Variants in GALNT17 observed in about 807,000 individuals in gnomAD.
GALNT17 encodes UDP-GalNAc:polypeptide N-acetylgalactosaminyltransferase-like 3.
A neutral mutation model predicts 63.7 loss-of-function variants in GALNT17; 29 were observed. The observed-to-expected ratio is 0.46, with a 90% CI of 0.34 to 0.62. The LOEUF (loss-of-function observed/expected upper bound fraction) is 0.62, where lower values mean the gene tolerates loss of function less well. Ranked by LOEUF, GALNT17 falls within the 20% of genes least tolerant of loss-of-function variation. The pLI is 0.01. For missense variants in GALNT17, 603 were observed against 799.6 expected (o/e 0.75, Z 2.97); for synonymous variants, 305 against 318.3 (o/e 0.96, Z 0.45).
intron 5 of GALNT17, among the ~76,000 whole-genome samples, chr7:71,514,745 C>T (rs1374334038): frequency 6.6e-6 from 1 of 152,148 alleles, no homozygotes; most frequent in African/African-American, 2.4e-5. Context: ...TTTGCAGTTG[C>T]CAAAATTACT....
chr7:71,427,165 C>T (rs1366484392), intron 5 of GALNT17, among the ~76,000 whole-genome samples: 4 of 150,958 alleles, frequency 2.6e-5, no homozygotes, highest in African/African-American at 9.7e-5. Context: ...CTGCAACCTC[C>T]ACCTCCCAGG....
intron 3 of GALNT17, among the ~76,000 whole-genome samples, chr7:71,392,749 C>G (rs1237688228): frequency 6.6e-6 from 1 of 152,122 alleles, no homozygotes; most frequent in African/African-American, 2.4e-5. Flanking sequence ...TCCCAAATAC[C>G]CAGGGGACCG....
chr7:71,673,739 C>T (rs1791105650), intron 8 of GALNT17, among the ~76,000 whole-genome samples: 2 of 152,194 alleles, frequency 1.3e-5, no homozygotes, highest in African/African-American at 4.8e-5. Context: ...CTCAGCCTTC[C>T]AAGTAGCTGG....
At chr7:71,505,061 C>T (rs1306089427) in intron 5 of GALNT17, among the ~76,000 whole-genome samples, 1 of 152,152 alleles carries the variant, frequency 6.6e-6, no homozygotes, top group Non-Finnish European at 1.5e-5. Context: ...GTGGCCCCTC[C>T]TTGCTTTATA....
At chr7:71,272,352 T>C (rs1790609085) in intron 1 of GALNT17, among the ~76,000 whole-genome samples, 1 of 152,186 alleles carries the variant, frequency 6.6e-6, no homozygotes, top group Non-Finnish European at 1.5e-5. Flanking sequence ...GGAATGGGAT[T>C]CCCAGGTATC....
Position 71,132,776 on chromosome 7 carries a change from C to G in GALNT17, c.-27C>G, listed in dbSNP as rs767370895. On this transcript the variant is annotated 5_prime_UTR_variant, in exon 1 of 11. Transcript: ENST00000333538. ...GCCGGAGCCCGAGGGGGCGCAGGTC[C>G]GGGGCGAGGGCCGGCCGGGCTGTTT... 1.3e-6 allele frequency: 2 copies of G among 1,562,022 alleles called. No homozygotes were observed. The highest frequency in any genetic ancestry group is 1.7e-6 in the Non-Finnish European group (2 of 1,150,006).
At chr7:71,226,784 G>A (rs994085581) in intron 1 of GALNT17, among the ~76,000 whole-genome samples, 7 of 152,166 alleles carry the variant, frequency 4.6e-5, no homozygotes, top group African/African-American at 9.6e-5. Context: ...CTGGCTGGCC[G>A]TCTTTACTTC....
At chr7:71,373,064 A>G (rs1792655363) in intron 2 of GALNT17, among the ~76,000 whole-genome samples, 1 of 152,218 alleles carries the variant, frequency 6.6e-6, no homozygotes, top group Non-Finnish European at 1.5e-5. Flanking sequence ...ACTCCTGGGC[A>G]TGATTTTCAG....
intron 5 of GALNT17, among the ~76,000 whole-genome samples, chr7:71,558,950 G>T (rs1363966677): frequency 6.6e-6 from 1 of 152,136 alleles, no homozygotes; most frequent in Non-Finnish European, 1.5e-5. Flanking sequence ...CAGAGATGAG[G>T]CTTCCTTTAT....
chr7:71,455,585 T>C (rs1787340360), intron 5 of GALNT17, among the ~76,000 whole-genome samples: 1 of 151,946 alleles, frequency 6.6e-6, no homozygotes, highest in African/African-American at 2.4e-5. Context: ...AACATCACTA[T>C]GAGGAAAGCG....
intron 1 of GALNT17, among the ~76,000 whole-genome samples, chr7:71,329,858 A>G (rs1405156474): frequency 1.3e-5 from 2 of 152,142 alleles, no homozygotes; most frequent in African/African-American, 4.8e-5. Flanking sequence ...ATCAATGGCC[A>G]TATACCTTGG....
In GALNT17 at chr7:71,483,011, C is replaced by T. The variant is rs535170975; in HGVS notation, c.962+61906C>T. ...GATGAAGCTTTGCTCGCCTGCGGGC[C>T]GCTCACCTCCTGCTGTGCAGCCTGG... On this transcript the variant is annotated intron_variant, in intron 5 of 10. Coordinates refer to ENST00000333538, the MANE Select transcript of GALNT17 (RefSeq NM_022479.3). Among the ~76,000 whole-genome samples the T allele has an allele frequency of 5.3e-5, 8 of 152,254 alleles. No individual in the cohort carries two copies. The South Asian group carries it at 1.5e-3, about 28-fold the overall frequency.
At chr7:71,580,945 G>T (rs950806057) in intron 6 of GALNT17, among the ~76,000 whole-genome samples, 6 of 152,112 alleles carry the variant, frequency 3.9e-5, no homozygotes, top group Admixed American at 3.9e-4. Flanking sequence ...ACAGAGAGTG[G>T]TTGTATTAAT....
chr7:71,543,401 G>A (rs1007031625), intron 5 of GALNT17, among the ~76,000 whole-genome samples: 1 of 152,142 alleles, frequency 6.6e-6, no homozygotes, highest in African/African-American at 2.4e-5. Flanking sequence ...TCTCTGTGCT[G>A]GCTTTAAGGC....
intron 5 of GALNT17, among the ~76,000 whole-genome samples, chr7:71,425,476 C>T (rs1786743306): frequency 6.6e-6 from 1 of 152,154 alleles, no homozygotes; most frequent in Non-Finnish European, 1.5e-5. Flanking sequence ...CCCGTCTCAG[C>T]CTCCCAAAGT....
intron 5 of GALNT17, among the ~76,000 whole-genome samples, chr7:71,531,068 C>A (rs1175965172): frequency 4.6e-5 from 7 of 151,874 alleles, no homozygotes. Context: ...TACTTTATAT[C>A]AAAATGTATT....
At chr7:71,544,608 A>G (rs1788951227) in intron 5 of GALNT17, among the ~76,000 whole-genome samples, 1 of 152,150 alleles carries the variant, frequency 6.6e-6, no homozygotes, top group Non-Finnish European at 1.5e-5. Context: ...GAGGCTCTCC[A>G]AAGCCCAGGA....
chr7:71,580,576 C>G (rs1789621873), intron 6 of GALNT17, among the ~76,000 whole-genome samples: 1 of 152,046 alleles, frequency 6.6e-6, no homozygotes. Context: ...GATGATAAAG[C>G]TGCGTACACT....
At chr7:71,137,634 G>T (rs897862575) in intron 1 of GALNT17, among the ~76,000 whole-genome samples, 23 of 152,088 alleles carry the variant, frequency 1.5e-4, no homozygotes, top group Admixed American at 2.6e-4. Context: ...GTGGGGGCTG[G>T]GAGGACTCAG....
Sources: allele counts gnomAD v4.1 joint callset (sites outside exome capture counted in the v4.1 genomes callset), GRCh38; gene constraint gnomAD v4.1.1; transcripts MANE v1.5; gene names NCBI Gene and HGNC (gene_info 2026-07-23, HGNC 2026-07-21).